Variants in ZRANB3 observed in about 807,000 individuals in gnomAD.
ZRANB3 encodes zinc finger RANBP2-type containing 3.
ZRANB3 carries 125 observed loss-of-function variants against 133.8 expected under a neutral mutation model. The observed-to-expected ratio is 0.93, with a 90% CI of 0.81 to 1.08. ZRANB3 has a LOEUF of 1.08. Ranked by LOEUF, ZRANB3 falls within the 50% of genes least tolerant of loss-of-function variation. ZRANB3 has a pLI of 0.00. For synonymous variants in ZRANB3, 387 were observed against 432.7 expected, an observed-to-expected ratio of 0.89 and a Z score of 1.31; for missense variants, 1,229 against 1,275.5, an observed-to-expected ratio of 0.96 and a Z score of 0.56.
chr2:135,213,593 T>C (rs1266096501), intron 17 of ZRANB3, among the ~76,000 whole-genome samples: 1 of 152,166 alleles, frequency 6.6e-6, no homozygotes, highest in African/African-American at 2.4e-5. Flanking sequence ...ACCAAGTCTC[T>C]AGATATACCT....
intron 8 of ZRANB3, among the ~76,000 whole-genome samples, chr2:135,284,833 CT>C (rs1344020972): frequency 6.6e-6 from 1 of 151,150 alleles, no homozygotes; most frequent in East Asian, 1.9e-4. Context: ...GTTATTTCTT[CT>C]TTTTTTCTTT....
At chr2:135,258,318 C>G (rs919821028) in intron 12 of ZRANB3, among the ~76,000 whole-genome samples, 1 of 152,076 alleles carries the variant, frequency 6.6e-6, no homozygotes, top group African/African-American at 2.4e-5. Flanking sequence ...AAAAAGGGCT[C>G]CCTGGAGAAT....
At chr2:135,272,135 A>G (rs911197720) in intron 9 of ZRANB3, among the ~76,000 whole-genome samples, 5 of 152,194 alleles carry the variant, frequency 3.3e-5, no homozygotes. Flanking sequence ...TCTTTATCCC[A>G]TCAATGCCAA....
intron 1 of ZRANB3, among the ~76,000 whole-genome samples, chr2:135,529,757 C>G (rs1017468956): frequency 7.3e-5 from 11 of 151,558 alleles, no homozygotes; most frequent in African/African-American, 2.7e-4. Flanking sequence ...TCAAGTAATC[C>G]TCCCGCCTCG....
intron 2 of ZRANB3, among the ~76,000 whole-genome samples, chr2:135,449,641 T>C (rs1282405809): frequency 2.6e-5 from 4 of 152,062 alleles, no homozygotes; most frequent in Non-Finnish European, 5.9e-5. Context: ...AATAAAATAA[T>C]TGGAACAATA....
At chr2:135,482,215 G>C (rs1269927656) in intron 2 of ZRANB3, among the ~76,000 whole-genome samples, 58 of 139,982 alleles carry the variant, frequency 4.1e-4, no homozygotes, top group African/African-American at 9.3e-4. Context: ...GCAGTATGGC[G>C]ATTTTCACGA....
intron 1 of ZRANB3, among the ~76,000 whole-genome samples, chr2:135,507,682 G>A (rs949007259): frequency 6.6e-6 from 1 of 150,882 alleles, no homozygotes. Flanking sequence ...TCTTTGCTGG[G>A]TGCAGTGGCT....
chr2:135,370,506 T>C (rs1326732682), intron 3 of ZRANB3, among the ~76,000 whole-genome samples: 1 of 152,168 alleles, frequency 6.6e-6, no homozygotes, highest in East Asian at 1.9e-4. Flanking sequence ...AATGAAGGCA[T>C]GTTTCTTAAT....
At chr2:135,473,969 G>C (rs1339161143) in intron 2 of ZRANB3, among the ~76,000 whole-genome samples, 1 of 152,152 alleles carries the variant, frequency 6.6e-6, no homozygotes, top group East Asian at 1.9e-4. Context: ...CAGATCAATT[G>C]ATCTCAGGAG....
At chr2:135,361,688 G>C (rs758811660) in intron 3 of ZRANB3, among the ~76,000 whole-genome samples, 2 of 152,116 alleles carry the variant, frequency 1.3e-5, no homozygotes, top group Non-Finnish European at 2.9e-5. Context: ...AGATTGCTTT[G>C]GAGGACCCTT....
intron 2 of ZRANB3, among the ~76,000 whole-genome samples, chr2:135,418,499 A>G (rs1220079105): frequency 6.6e-6 from 1 of 152,216 alleles, no homozygotes. Context: ...TCAAATATCA[A>G]CATGCATTGT....
chr2:135,240,258 G>A (rs1695493893), intron 12 of ZRANB3, among the ~76,000 whole-genome samples: 3 of 152,174 alleles, frequency 2.0e-5, no homozygotes, highest in African/African-American at 7.2e-5. Flanking sequence ...AAGGAGGATT[G>A]CTTGAGTCCA....
At chr2:135,428,845 C>T (rs1034146238) in intron 2 of ZRANB3, among the ~76,000 whole-genome samples, 1 of 152,316 alleles carries the variant, frequency 6.6e-6, no homozygotes, top group African/African-American at 2.4e-5. Flanking sequence ...TACTGTCTCA[C>T]GCCATCCGGA....
intron 2 of ZRANB3, among the ~76,000 whole-genome samples, chr2:135,411,902 T>C (rs1688319169): frequency 6.6e-6 from 1 of 152,122 alleles, no homozygotes; most frequent in Admixed American, 6.6e-5. Context: ...TGTACCCCTC[T>C]GAATCTATAA....
intron 8 of ZRANB3, among the ~76,000 whole-genome samples, chr2:135,298,994 G>T (rs895925322): frequency 1.3e-5 from 2 of 152,120 alleles, no homozygotes; most frequent in Non-Finnish European, 2.9e-5. Context: ...CAGCAGTATA[G>T]GGGGCATACA....
intron 2 of ZRANB3, among the ~76,000 whole-genome samples, chr2:135,417,141 A>C (rs940999423): frequency 1.3e-5 from 2 of 152,226 alleles, no homozygotes; most frequent in African/African-American, 2.4e-5. Flanking sequence ...GCTTTTGCAC[A>C]GCAAAAGAAA....
At chr2:135,335,731 A>G (rs1684341570) in intron 6 of ZRANB3, among the ~76,000 whole-genome samples, 1 of 151,562 alleles carries the variant, frequency 6.6e-6, no homozygotes, top group Admixed American at 6.6e-5. Context: ...CAACAAAAAC[A>G]AAAACATAAT....
intron 2 of ZRANB3, among the ~76,000 whole-genome samples, chr2:135,488,152 C>T (rs193242211): frequency 1.6e-4 from 25 of 152,098 alleles, no homozygotes; most frequent in African/African-American, 3.9e-4. Context: ...AAGAGCCAGT[C>T]GGTGGAGCAG....
intron 2 of ZRANB3, among the ~76,000 whole-genome samples, chr2:135,409,564 C>T (rs547291185): frequency 3.3e-4 from 50 of 151,976 alleles, no homozygotes; most frequent in Admixed American, 8.5e-4. Flanking sequence ...AGTGTTCCAC[C>T]GAAGAACTGG....
Sources: allele counts gnomAD v4.1 joint callset (sites outside exome capture counted in the v4.1 genomes callset), GRCh38; gene constraint gnomAD v4.1.1; transcripts MANE v1.5; gene names NCBI Gene and HGNC (gene_info 2026-07-23, HGNC 2026-07-21).